Variants in MICU1 observed in about 807,000 individuals in gnomAD.
The protein encoded by MICU1 is mitochondrial calcium uptake 1, also known as calcium uptake protein 1, mitochondrial.
Under a neutral mutation model 56.8 loss-of-function variants are expected in MICU1, and 45 were observed. The ratio of observed to expected loss-of-function variants is 0.79; its 90% CI spans 0.62 to 1.02. MICU1 has a LOEUF of 1.02. Ranked by LOEUF, MICU1 falls within the 50% of genes least tolerant of loss-of-function variation. The probability of loss-of-function intolerance (pLI) is 0.00; values close to 1 mark genes in which losing one functional copy is unlikely to be tolerated. For synonymous variants in MICU1, 186 were observed against 195.1 expected, an observed-to-expected ratio of 0.95 and a Z score of 0.39; for missense variants, 504 against 587.1, an observed-to-expected ratio of 0.86 and a Z score of 1.46.
chr10:72,518,041 T>G (rs933415890), intron 5 of MICU1, among the ~76,000 whole-genome samples: 8 of 151,504 alleles, frequency 5.3e-5, no homozygotes, highest in African/African-American at 1.9e-4. Context: ...CTTCTTTTTT[T>G]TTTTTTCCTG....
chr10:72,390,855 T>C (rs909938832), intron 10 of MICU1, among the ~76,000 whole-genome samples: 3 of 152,384 alleles, frequency 2.0e-5, no homozygotes, highest in Non-Finnish European at 4.4e-5. Flanking sequence ...TCTACACTTA[T>C]CTTTCTCCCC....
chr10:72,442,455 C>T (rs553850626), intron 8 of MICU1, among the ~76,000 whole-genome samples: 10 of 152,090 alleles, frequency 6.6e-5, no homozygotes, highest in Admixed American at 1.3e-4. Context: ...ATTTTCATAG[C>T]GATAAAATGT....
At chr10:72,379,535 C>T (rs764665623) in intron 10 of MICU1, 14 of 426,862 alleles carry the variant, frequency 3.3e-5, no homozygotes, top group South Asian at 2.4e-4. Context: ...CTGCAATTGT[C>T]TTGATATTTC....
rs1863813731 is a variant in MICU1 at position 72,411,501 on chromosome 10, G to GT, written c.1072-3465dup. Among the ~76,000 whole-genome samples, 4 of 151,806 alleles carry GT rather than the reference G, an allele frequency of 2.6e-5. No homozygotes were observed. The South Asian group carries it at 8.3e-4, about 32-fold the overall frequency. On this transcript the variant is annotated intron_variant, in intron 9 of 11. Coordinates refer to ENST00000361114, the MANE Select transcript of MICU1 (RefSeq NM_001195518.2). The stretch of plus-strand genomic sequence containing the variant: ...CACCACTGCACCCGGCTAATTTTTT[G>GT]TATTTTTTTTTAGTAGAGATGGGGT...
At chr10:72,384,883 GCCTC>G (rs1235821472) in intron 10 of MICU1, among the ~76,000 whole-genome samples, 1 of 152,096 alleles carries the variant, frequency 6.6e-6, no homozygotes, top group African/African-American at 2.4e-5. Flanking sequence ...GCAAGAGCTT[GCCTC>G]CCACAAACTT....
chr10:72,391,721 T>G (rs138152003), intron 10 of MICU1, among the ~76,000 whole-genome samples: 3 of 152,240 alleles, frequency 2.0e-5, no homozygotes, highest in East Asian at 3.9e-4. Flanking sequence ...GAAAACCTCA[T>G]AGATGGACCA....
chr10:72,492,656 G>A (rs1247966763), intron 6 of MICU1, among the ~76,000 whole-genome samples: 1 of 151,678 alleles, frequency 6.6e-6, no homozygotes, highest in African/African-American at 2.4e-5. Context: ...CCAGCTACTC[G>A]GGAGGCTGAG....
chr10:72,462,764 G>A (rs1311995700), intron 8 of MICU1, among the ~76,000 whole-genome samples: 1 of 152,132 alleles, frequency 6.6e-6, no homozygotes, highest in Admixed American at 6.6e-5. Flanking sequence ...CTGGTATAGA[G>A]CTTATTCATA....
intron 8 of MICU1, among the ~76,000 whole-genome samples, chr10:72,453,858 G>A (rs998650576): frequency 7.0e-6 from 1 of 142,818 alleles, no homozygotes; most frequent in Non-Finnish European, 1.5e-5. Context: ...TTTTTGAGAT[G>A]GAGTTTCGTT....
intron 6 of MICU1, among the ~76,000 whole-genome samples, chr10:72,498,738 C>A (rs554577035): frequency 1.3e-5 from 2 of 152,168 alleles, no homozygotes; most frequent in Non-Finnish European, 2.9e-5. Context: ...TCAGATACCA[C>A]AAGGAATTGA....
At chr10:72,521,860 G>A (rs1446833170) in intron 5 of MICU1, among the ~76,000 whole-genome samples, 2 of 125,240 alleles carry the variant, frequency 1.6e-5, no homozygotes, top group Non-Finnish European at 3.6e-5. Flanking sequence ...CCAAGCCAAT[G>A]ATACAGGTGC....
intron 10 of MICU1, among the ~76,000 whole-genome samples, chr10:72,395,040 G>C (rs1049565293): frequency 2.0e-5 from 3 of 151,796 alleles, no homozygotes; most frequent in Non-Finnish European, 4.4e-5. Context: ...TTAGCTGGGC[G>C]TGGTGGCGGG....
intron 8 of MICU1, among the ~76,000 whole-genome samples, chr10:72,464,484 A>C (rs1431832763): frequency 2.6e-5 from 4 of 152,110 alleles, no homozygotes; most frequent in Non-Finnish European, 5.9e-5. Context: ...TAAATGCTTT[A>C]TGTTTTTCTA....
intron 9 of MICU1, among the ~76,000 whole-genome samples, chr10:72,412,031 A>C (rs1366854243): frequency 6.6e-6 from 1 of 152,224 alleles, no homozygotes; most frequent in African/African-American, 2.4e-5. Flanking sequence ...TATGCCAAGA[A>C]CAGTGAGGGA....
At chr10:72,512,793 G>A (rs1442948531) in intron 5 of MICU1, among the ~76,000 whole-genome samples, 4 of 151,988 alleles carry the variant, frequency 2.6e-5, no homozygotes, top group Non-Finnish European at 5.9e-5. Context: ...TTGACCTCTG[G>A]GGCTCAGCTC....
chr10:72,403,204 G>A (rs536389510), intron 10 of MICU1, among the ~76,000 whole-genome samples: 1 of 151,652 alleles, frequency 6.6e-6, no homozygotes, highest in East Asian at 1.9e-4. Context: ...AGTGACCCGG[G>A]TCACCATTAG....
At chr10:72,420,706 ACT>A (rs1012262346) in intron 9 of MICU1, among the ~76,000 whole-genome samples, 7 of 148,792 alleles carry the variant, frequency 4.7e-5, no homozygotes, top group African/African-American at 1.7e-4. Context: ...ACAAGGTCTC[ACT>A]CTGTCACCCA....
chr10:72,385,459 T>C (rs747332980), intron 10 of MICU1, among the ~76,000 whole-genome samples: 2 of 151,966 alleles, frequency 1.3e-5, no homozygotes, highest in African/African-American at 2.4e-5. Flanking sequence ...CACTGCACTC[T>C]AGCCTAGGTG....
At chr10:72,526,297 T>C (rs1382910339) in intron 5 of MICU1, among the ~76,000 whole-genome samples, 3 of 152,152 alleles carry the variant, frequency 2.0e-5, no homozygotes, top group Non-Finnish European at 4.4e-5. Flanking sequence ...TGCAAATTAA[T>C]TACATTCTTT....
Sources: gnomAD v4.1 joint callset for allele counts (sites outside exome capture counted in the v4.1 genomes callset) on GRCh38, gnomAD v4.1.1 for gene constraint, MANE v1.5 for transcripts, NCBI Gene and HGNC (gene_info 2026-07-23, HGNC 2026-07-21) for gene names.